Variants in CFAP206 observed in about 807,000 individuals in gnomAD.
The protein encoded by CFAP206 is cilia and flagella associated protein 206, also known as cilia- and flagella-associated protein 206.
Under a neutral mutation model 65.4 loss-of-function variants are expected in CFAP206, and 53 were observed. The observed-to-expected ratio is 0.81, with a 90% CI of 0.65 to 1.02. The LOEUF (loss-of-function observed/expected upper bound fraction) is 1.02, where lower values mean the gene tolerates loss of function less well. Ranked by LOEUF, CFAP206 falls within the 50% of genes least tolerant of loss-of-function variation. CFAP206 has a pLI of 0.00. For synonymous variants in CFAP206, 250 were observed against 254.4 expected, an observed-to-expected ratio of 0.98 and a Z score of 0.17; for missense variants, 663 against 753.2, an observed-to-expected ratio of 0.88 and a Z score of 1.40.
At chr6:87,423,332 T>C (rs1259813423) in intron 7 of CFAP206, among the ~76,000 whole-genome samples, 7 of 151,612 alleles carry the variant, frequency 4.6e-5, no homozygotes, top group Non-Finnish European at 8.8e-5. Context: ...CACTGCAAGC[T>C]CCGCCTCCCG....
chr6:87,431,108 T>C lies in CFAP206; in HGVS notation c.1235T>C (p.Leu412Pro). The part of the protein sequence containing the change: ...FPETTANFDK[L>P]LIQYRGFCAY... ...GAAACAACAGCAAATTTTGATAAAC[T>C]GTTAATTCAATATCGGGGATTTTGT... The change falls in exon 10 of 13, where the codon CTG (leucine) becomes CCG (proline). Residue 412 changes from leucine (L) to proline (P), a missense_variant. Coordinates refer to ENST00000369562, the MANE Select transcript of CFAP206 (RefSeq NM_001031743.3). The C allele has an allele frequency of 6.2e-7, 1 of 1,614,064 alleles. No homozygotes were observed. The highest frequency in any genetic ancestry group is 8.5e-7 in the Non-Finnish European group (1 of 1,179,946).
At position 87,428,656 on chromosome 6, in the gene CFAP206, A is replaced by G; in HGVS notation, c.991A>G (p.Thr331Ala). The G allele has an allele frequency of 6.2e-7, 1 of 1,613,960 alleles. No homozygotes were observed. The highest frequency in any genetic ancestry group is 1.1e-5 in the South Asian group (1 of 91,072). ...CTTCATTGCACTTTCTACTCTGTGG[A>G]CCAGCTTGCAAGACGAAACTATTGT... The part of the protein sequence containing the change: ...PIFIALSTLW[T>A]SLQDETIVVG... Residue 331 changes from threonine to alanine, a missense_variant, in exon 9 of 13, where the codon ACC becomes GCC. Physicochemically the swap from Thr to Ala is moderately conservative, Grantham distance 58. Transcript: ENST00000369562.
At chr6:87,414,895 T>G (rs1474452378) in intron 4 of CFAP206, among the ~76,000 whole-genome samples, 1 of 152,236 alleles carries the variant, frequency 6.6e-6, no homozygotes, top group Non-Finnish European at 1.5e-5. Flanking sequence ...ACCTATAGAT[T>G]TTTAAATTTG....
At chr6:87,427,985 T>TTTTTTTTTTTTTTTTTTTTTTTTTTGTTG in intron 8 of CFAP206, among the ~76,000 whole-genome samples, 1 of 136,906 alleles carries the variant, frequency 7.3e-6, no homozygotes, top group Non-Finnish European at 1.6e-5. Flanking sequence ...CACCCTCCTT[T>TTTTTTTTTTTTTTTTTTTTTTTTTTGTTG]TTTTTTTTTT....
At chr6:87,463,274 T>C (rs1287874451) in intron 12 of CFAP206, among the ~76,000 whole-genome samples, 1 of 152,186 alleles carries the variant, frequency 6.6e-6, no homozygotes, top group Non-Finnish European at 1.5e-5. Flanking sequence ...ATGAAGACAA[T>C]GGAATAGTAA....
chr6:87,408,366 G>A (rs1430831251), intron 1 of CFAP206: 1 of 152,476 alleles, frequency 6.6e-6, no homozygotes, highest in African/African-American at 2.4e-5. Flanking sequence ...GGCTACCCCA[G>A]AAGCCGGACC....
At chr6:87,425,947 T>G (rs139250252) in intron 7 of CFAP206, 1 of 159,708 alleles carries the variant, frequency 6.3e-6, no homozygotes, top group Non-Finnish European at 1.4e-5. Context: ...CATCTTCCAA[T>G]TCACATTGCC....
At chr6:87,410,790 C>T (rs768912263) in intron 3 of CFAP206, 122 bp downstream of exon 3, 41 of 748,348 alleles carry the variant, frequency 5.5e-5, no homozygotes, top group East Asian at 1.6e-4. Flanking sequence ...GTAGTATACA[C>T]GAGATATTTT....
At chr6:87,415,064 CAGGG>C in intron 4 of CFAP206, among the ~76,000 whole-genome samples, 1 of 152,158 alleles carries the variant, frequency 6.6e-6, no homozygotes, top group South Asian at 2.1e-4. Flanking sequence ...TGCAACAACT[CAGGG>C]AACATAGTGT....
chr6:87,450,530 A>T (rs1768522635), intron 11 of CFAP206, among the ~76,000 whole-genome samples: 1 of 143,264 alleles, frequency 7.0e-6, no homozygotes, highest in Non-Finnish European at 1.5e-5. Context: ...TGGAGCTATG[A>T]TATAGCCACT....
rs551947011 is a variant in CFAP206, at chr6:87,448,979, T to A, written c.1495-12043T>A. ...TGTGATAAACATAGGAGTGCAGATA[T>A]CTCTTTGACATACTAATTTCCTTTC... On this transcript the variant is annotated intron_variant, in intron 11 of 12. Transcript: ENST00000369562. Among the ~76,000 whole-genome samples the A allele has an allele frequency of 2.0e-5, 3 of 152,294 alleles. No individual in the cohort carries two copies. The East Asian group carries it at 5.8e-4, about 29-fold the overall frequency.
intron 11 of CFAP206, among the ~76,000 whole-genome samples, chr6:87,459,788 G>A (rs1768711545): frequency 6.6e-6 from 1 of 152,166 alleles, no homozygotes; most frequent in South Asian, 2.1e-4. Context: ...GCTAGAATCA[G>A]ACGACTGGAA....
chr6:87,432,147 T>C (rs1768170044), intron 10 of CFAP206, among the ~76,000 whole-genome samples: 1 of 152,226 alleles, frequency 6.6e-6, no homozygotes, highest in South Asian at 2.1e-4. Flanking sequence ...ATTTTTCTTC[T>C]TTCTTCATTA....
chr6:87,449,203 G>A (rs1402574286), intron 11 of CFAP206, among the ~76,000 whole-genome samples: 4 of 152,142 alleles, frequency 2.6e-5, no homozygotes, highest in South Asian at 4.1e-4. Flanking sequence ...TTGGGAGGCC[G>A]AGGTGGGCAG....
chr6:87,430,919 G>A (rs964330340), intron 9 of CFAP206, 114 bp from the exon 10 acceptor site: 36 of 987,782 alleles, frequency 3.6e-5, no homozygotes, highest in Non-Finnish European at 4.2e-5. Context: ...TTTGCCCATC[G>A]GGAAAAGTAC....
chr6:87,433,825 C>T (rs1200325373), intron 10 of CFAP206, among the ~76,000 whole-genome samples: 2 of 151,440 alleles, frequency 1.3e-5, no homozygotes, highest in African/African-American at 2.4e-5. Context: ...AGGGGCTGGG[C>T]GTGGTGGCTC....
intron 11 of CFAP206, among the ~76,000 whole-genome samples, chr6:87,448,917 T>C (rs1204473321): frequency 6.6e-6 from 1 of 152,184 alleles, no homozygotes; most frequent in Non-Finnish European, 1.5e-5. Context: ...GGTGGACACT[T>C]AGGTTGTTTC....
intron 11 of CFAP206, chr6:87,435,842 T>G (rs1237040293): frequency 6.6e-6 from 1 of 151,838 alleles, no homozygotes. Flanking sequence ...TTAAAAAACT[T>G]TTTTGTAGAG....
chr6:87,410,200 T>A (rs1767709239), intron 2 of CFAP206, among the ~76,000 whole-genome samples: 1 of 152,254 alleles, frequency 6.6e-6, no homozygotes, highest in Non-Finnish European at 1.5e-5. Flanking sequence ...TGGGAATTTT[T>A]TGACGTGTAT....
Sources: allele counts gnomAD v4.1 joint callset (sites outside exome capture counted in the v4.1 genomes callset), GRCh38; gene constraint gnomAD v4.1.1; transcripts MANE v1.5; gene names NCBI Gene and HGNC (gene_info 2026-07-23, HGNC 2026-07-21).